PLEKHH2: variants seen among roughly 807,000 people sequenced by gnomAD.
The protein encoded by PLEKHH2 is pleckstrin homology, MyTH4 and FERM domain containing H2, also known as pleckstrin homology domain-containing family H member 2.
A neutral mutation model predicts 187.9 loss-of-function variants in PLEKHH2; 129 were observed. The ratio of observed to expected loss-of-function variants is 0.69; its 90% CI spans 0.59 to 0.79. The LOEUF (loss-of-function observed/expected upper bound fraction) is 0.79, where lower values mean the gene tolerates loss of function less well. Ranked by LOEUF, PLEKHH2 falls within the 30% of genes least tolerant of loss-of-function variation. The pLI is 0.00. For missense variants in PLEKHH2, 2,076 were observed against 1,751.2 expected (o/e 1.19, Z -3.31); for synonymous variants, 686 against 605.6 (o/e 1.13, Z -1.95).
At chr2:43,746,087 A>G in intron 24 of PLEKHH2, 124 bp downstream of exon 24, 1 of 560,674 alleles carries the variant, frequency 1.8e-6, no homozygotes, top group Non-Finnish European at 2.8e-6. Flanking sequence ...TCTTTCTATA[A>G]ATGATAACTC....
intron 3 of PLEKHH2, chr2:43,679,494 CTTTTTT>C (rs70965314): frequency 2.4e-3 from 619 of 253,590 alleles, no homozygotes; most frequent in South Asian, 3.5e-3. Flanking sequence ...GATTTTTTCC[CTTTTTT>C]TTTTTTTTTT....
chr2:43,677,854 A>T (rs1174851416), intron 2 of PLEKHH2, among the ~76,000 whole-genome samples: 1 of 138,126 alleles, frequency 7.2e-6, no homozygotes, highest in South Asian at 2.5e-4. Flanking sequence ...TCCCTCCCGG[A>T]CGGGGCGGCT....
Position 43,716,684 on chromosome 2 carries a change from A to G in PLEKHH2, c.2461-3985A>G, listed in dbSNP as rs183690504. On this transcript the variant is annotated intron_variant, in intron 15 of 29. Coordinates refer to ENST00000282406, the MANE Select transcript of PLEKHH2 (RefSeq NM_172069.4). ...AAAAAGCAGAATAATTTTACAGTGT[A>G]CAACCATATGCCCATCACCTTGTTT... 6.6e-4 allele frequency among the ~76,000 whole-genome samples: 101 copies of G among 152,382 alleles called. No homozygotes were observed. In the East Asian group the frequency reaches 0.012, roughly 18 times the overall value.
Position 43,681,160 on chromosome 2 carries a change from C to G in PLEKHH2, c.186+2235C>G, listed in dbSNP as rs1411106691. The G allele has an allele frequency of 5.6e-6, 4 of 714,654 alleles. No homozygotes were observed. In the East Asian group the frequency reaches 7.5e-5, roughly 13 times the overall value. The allele number at this position is 714,654 out of a possible 1,614,324, so 44.3% of individuals were successfully genotyped here. On this transcript the variant is annotated intron_variant, in intron 3 of 29. Coordinates refer to ENST00000282406, the MANE Select transcript of PLEKHH2 (RefSeq NM_172069.4). Reference sequence around the variant, plus strand: ...CCTCCTGCAACACTCTAATGCCACTCAGAACATCCTTTTGGTCCACCACTA... The same window carrying G: ...CCTCCTGCAACACTCTAATGCCACTGAGAACATCCTTTTGGTCCACCACTA...
At chr2:43,757,820 C>T (rs1672275923) in intron 26 of PLEKHH2, among the ~76,000 whole-genome samples, 1 of 151,740 alleles carries the variant, frequency 6.6e-6, no homozygotes, top group African/African-American at 2.4e-5. Flanking sequence ...TGATCTTTTT[C>T]ATTCTTGTCC....
Position 43,742,886 on chromosome 2 carries a change from A to G in PLEKHH2, c.3367A>G (p.Ile1123Val), listed in dbSNP as rs762042007. 2.5e-6 allele frequency: 4 copies of G among 1,596,700 alleles called. No individual in the cohort carries two copies. The highest frequency in any genetic ancestry group is 1.4e-5 in the African/African-American group (1 of 73,902). The change falls in exon 22 of 30, where the codon ATA becomes GTA. Residue 1123 changes from isoleucine (I) to valine (V), a missense_variant. Coordinates refer to ENST00000282406, the MANE Select transcript of PLEKHH2 (RefSeq NM_172069.4). The part of the protein sequence containing the change: ...NPYHHSLPFS[I>V]PVHFMNGIYQ... Reference sequence around the variant, plus strand: ...TTATCACCATTCTTTGCCCTTTAGTATACCTGTGCACTTCATGAATGGGAT... The same window carrying G: ...TTATCACCATTCTTTGCCCTTTAGTGTACCTGTGCACTTCATGAATGGGAT...
At chr2:43,701,706 T>TAAAAAAAAAAAAAAA (rs34834673) in intron 8 of PLEKHH2, among the ~76,000 whole-genome samples, 1 of 129,704 alleles carries the variant, frequency 7.7e-6, no homozygotes, top group Non-Finnish European at 1.7e-5. Context: ...ACTGCTAGAC[T>TAAAAAAAAAAAAAAA]AAAAAAAAAA....
chr2:43,741,796 G>T lies in PLEKHH2; in HGVS notation c.3221+753G>T, dbSNP rs140629475. ...CCGAGACCAAGGATCTGCCTACAGG[G>T]CACTTGAATACAAACATATTTGACA... On this transcript the variant is annotated intron_variant, in intron 21 of 29. Transcript: ENST00000282406. Among the ~76,000 whole-genome samples the T allele has an allele frequency of 2.9e-3, 436 of 152,168 alleles. 4 individuals carry two copies. Among genetic ancestry groups the T allele is most frequent in the African/African-American group, 9.9e-3 (410 of 41,516 alleles).
rs369544870 is a variant in PLEKHH2 at position 43,736,098 on chromosome 2, C to T, written c.2944-2243C>T. On this transcript the variant is annotated intron_variant, in intron 19 of 29. Transcript: ENST00000282406. ...TTTAACATTCTGTTAGGGAACTAAC[C>T]GATGTTATTAGGCAATAAATGAAAA... Among the ~76,000 whole-genome samples the T allele has an allele frequency of 3.3e-5, 5 of 151,708 alleles. No homozygotes were observed. The East Asian group carries it at 5.8e-4, about 18-fold the overall frequency.
At chr2:43,723,860 G>C (rs1409582136) in intron 16 of PLEKHH2, among the ~76,000 whole-genome samples, 2 of 152,146 alleles carry the variant, frequency 1.3e-5, no homozygotes, top group African/African-American at 4.8e-5. Context: ...ATTAAGAATA[G>C]ACCGGAGGGA....
intron 6 of PLEKHH2, 46 bp downstream of exon 6, chr2:43,695,270 T>C (rs190889990): frequency 1.9e-6 from 2 of 1,078,996 alleles, no homozygotes; most frequent in East Asian, 2.6e-5. Context: ...TATTTGACTA[T>C]ATAGGCTTTT....
intron 2 of PLEKHH2, among the ~76,000 whole-genome samples, chr2:43,651,472 TG>T (rs1558418521): frequency 1.3e-5 from 2 of 152,254 alleles, no homozygotes. Flanking sequence ...CTATTATGAA[TG>T]TTATGCTTTT....
intron 3 of PLEKHH2, among the ~76,000 whole-genome samples, chr2:43,691,058 T>C (rs1163622879): frequency 2.6e-5 from 4 of 152,228 alleles, no homozygotes; most frequent in African/African-American, 9.6e-5. Context: ...GGCCAATCTA[T>C]CTTAGATATT....
At chr2:43,641,958 T>C (rs1473262374) in intron 1 of PLEKHH2, among the ~76,000 whole-genome samples, 1 of 152,212 alleles carries the variant, frequency 6.6e-6, no homozygotes, top group East Asian at 1.9e-4. Context: ...TTGTCTATTC[T>C]TCAGCCCTTG....
intron 3 of PLEKHH2, chr2:43,681,177 C>T (rs1668160765): frequency 4.3e-6 from 3 of 694,446 alleles, no homozygotes; most frequent in Non-Finnish European, 5.1e-6. Context: ...TCCTTTTGGT[C>T]CACCACTATT....
At chr2:43,648,530 CA>C (rs1375330649) in intron 2 of PLEKHH2, among the ~76,000 whole-genome samples, 2 of 147,184 alleles carry the variant, frequency 1.4e-5, no homozygotes, top group African/African-American at 5.0e-5. Context: ...GTTAAGTGAA[CA>C]GGGGAGGTGA....
intron 3 of PLEKHH2, among the ~76,000 whole-genome samples, chr2:43,687,274 C>G (rs1227500648): frequency 6.6e-6 from 1 of 152,152 alleles, no homozygotes; most frequent in Admixed American, 6.5e-5. Context: ...CATTAATTCT[C>G]TTAGGATAAT....
intron 2 of PLEKHH2, among the ~76,000 whole-genome samples, chr2:43,666,340 G>A (rs575335081): frequency 4.0e-5 from 6 of 151,312 alleles, no homozygotes; most frequent in South Asian, 4.1e-4. Context: ...GCTCGCGCAC[G>A]GTGCGCACAC....
chr2:43,653,795 A>G (rs1666605942), intron 2 of PLEKHH2, among the ~76,000 whole-genome samples: 1 of 152,242 alleles, frequency 6.6e-6, no homozygotes, highest in South Asian at 2.1e-4. Context: ...TGATTCATTC[A>G]TGAGAAGCTG....
Sources: allele counts gnomAD v4.1 joint callset (sites outside exome capture counted in the v4.1 genomes callset), GRCh38; gene constraint gnomAD v4.1.1; transcripts MANE v1.5; gene names NCBI Gene and HGNC (gene_info 2026-07-23, HGNC 2026-07-21).